WIZ: variants seen among roughly 807,000 people sequenced by gnomAD.
The protein encoded by WIZ is protein Wiz.
WIZ carries 25 observed loss-of-function variants against 140.2 expected under a neutral mutation model. The observed-to-expected ratio is 0.18, with a 90% CI of 0.13 to 0.25. The LOEUF (loss-of-function observed/expected upper bound fraction) is 0.25, where lower values mean the gene tolerates loss of function less well. Ranked by LOEUF, WIZ falls within the 10% of genes least tolerant of loss-of-function variation. The pLI is 1.00. For synonymous variants in WIZ, 1,125 were observed against 1,154.3 expected, an observed-to-expected ratio of 0.97 and a Z score of 0.51; for missense variants, 2,231 against 2,632.6, an observed-to-expected ratio of 0.85 and a Z score of 3.34.
chr19:15,425,378 C>A lies in WIZ; in HGVS notation c.4757G>T (p.Gly1586Val). ...CTTGGCTGCCACTGAGCCCAGGTAG[C>A]CAGTGGCTGAGGGCTTGGCCCCAGT... ...PITGAKPSAT[G>V]YLGSVAAKRP... The change falls in exon 10 of 13, where the codon GGC becomes GTC. Residue 1586 changes from glycine to valine, a missense_variant. Physicochemically the swap from Gly to Val is moderately radical, Grantham distance 109 (BLOSUM62 -3). This residue lies in a region of WIZ where 393 missense variants were observed against 451.7 expected (regional missense o/e 0.87). Transcript: ENST00000673675. 6.4e-7 allele frequency: 1 copy of A among 1,557,274 alleles called. No homozygotes were observed. The highest frequency in any genetic ancestry group is 8.7e-7 in the Non-Finnish European group (1 of 1,150,486).
At chr19:15,425,833 G>C in intron 9 of WIZ, 65 bp from the exon 10 acceptor site, 1 of 63,740 alleles carries the variant, frequency 1.6e-5, no homozygotes, top group South Asian at 1.6e-4. Context: ...GGAGGGAGGA[G>C]GAGGGAGGAG....
Position 15,427,179 on chromosome 19 carries a change from G to C in WIZ, c.4169C>G (p.Pro1390Arg), listed in dbSNP as rs1428052252. The change falls in exon 9 of 13, where the codon CCA becomes CGA. Residue 1390 changes from proline to arginine, a missense_variant. Transcript: ENST00000673675. This position sits in a 1 kb window ranked among gnomAD's most constrained non-coding sequence, Gnocchi z 6.4. ...GGCCGTAGGAGGAGGAGAGGCAGTT[G>C]GTGAGTGGCCCAGGGGGCTGCCCGG... ...PPPGSPLGHS[P>R]TASPPPTARK... 1.2e-6 allele frequency: 2 copies of C among 1,614,216 alleles called. No individual in the cohort carries two copies. Among genetic ancestry groups the C allele is most frequent in the Non-Finnish European group, 1.7e-6 (2 of 1,180,030 alleles).
rs763907048 is a variant in WIZ at position 15,439,452 on chromosome 19, G to A, written c.1542C>T (p.His514=). 2.3e-5 allele frequency: 35 copies of A among 1,533,514 alleles called. No individual in the cohort carries two copies. Among genetic ancestry groups the A allele is most frequent in the Admixed American group, 2.2e-4 (11 of 50,696 alleles). 95.0% of individuals were successfully genotyped at this position (1,533,514 alleles called of 1,614,324 possible). A position where few individuals can be genotyped will look rare whatever the true frequency, so the allele number is the denominator to read the frequency against. ...CCACAGCAGTGTCAGGGAAGCAGGC[G>A]TGAGCATCCTGGCTAGTGCCTGGCT... ...ASQPGTSQDA[H]ACFPDTAVDY... is the part of the protein sequence containing the mutation. Residue 514 remains histidine, a synonymous_variant, in exon 4 of 13, where the codon CAC becomes CAT. Transcript: ENST00000673675. This position sits in a 1 kb window ranked among gnomAD's most constrained non-coding sequence, Gnocchi z 7.0.
rs1467288385 is a variant in WIZ, at chr19:15,431,093, C to G, written c.2830G>C (p.Glu944Gln). ...CTGCTCAGCCGACTGGCCACCTGCTCCAGGGCCCCAGGGACAGGCAGGCTC... is the reference window on the plus strand; with the variant it reads ...CTGCTCAGCCGACTGGCCACCTGCTGCAGGGCCCCAGGGACAGGCAGGCTC... ...KKSLPVPGAL[E>Q]QVASRLSSKV... is the part of the protein sequence containing the mutation. Residue 944 changes from glutamate (E) to glutamine (Q), a missense_variant, in exon 6 of 13, where the codon GAG becomes CAG. Physicochemically the swap from Glu to Gln is conservative, Grantham distance 29. Around this residue, in one of 15 missense-constraint regions of WIZ, gnomAD observed 137 missense variants for 135.8 expected, o/e 1.01. Coordinates refer to ENST00000673675, the MANE Select transcript of WIZ (RefSeq NM_001371589.1). The G allele has an allele frequency of 6.5e-7, 1 of 1,535,964 alleles. No individual in the cohort carries two copies. The highest frequency in any genetic ancestry group is 8.7e-7 in the Non-Finnish European group (1 of 1,146,828).
At chr19:15,445,923 C>G (rs767799323) in intron 2 of WIZ, among the ~76,000 whole-genome samples, 15 of 152,164 alleles carry the variant, frequency 9.9e-5, no homozygotes, top group Non-Finnish European at 1.8e-4. Context: ...GAATAGCAGC[C>G]CCAGAGCCTG....
At chr19:15,448,038 ACT>A in intron 2 of WIZ, 63 bp downstream of exon 2, 1 of 1,576,412 alleles carries the variant, frequency 6.3e-7, no homozygotes, top group Admixed American at 1.9e-5. Flanking sequence ...GGGTGACTTG[ACT>A]CTCTCTGAGC....
Position 15,421,698 on chromosome 19 carries a change from G to C in WIZ, c.*1378C>G, listed in dbSNP as rs1452764915. 1 of 152,178 alleles carries C rather than the reference G, an allele frequency of 6.6e-6. No individual in the cohort carries two copies. Among genetic ancestry groups the C allele is most frequent in the East Asian group, 1.9e-4 (1 of 5,190 alleles). The allele number at this position is 152,178 out of a possible 1,614,324, so 9.4% of individuals were successfully genotyped here. A position where few individuals can be genotyped will look rare whatever the true frequency, so the allele number is the denominator to read the frequency against. ...ATGTATTAAAAGCAGGTGAGTTCCA[G>C]CTCTCTACAACCCCACTGGCCCCCA... is the stretch of plus-strand genomic sequence containing the variant. On this transcript the variant is annotated 3_prime_UTR_variant, in exon 13 of 13. Coordinates refer to ENST00000673675, the MANE Select transcript of WIZ (RefSeq NM_001371589.1).
rs954461013 is a variant in WIZ at position 15,442,532 on chromosome 19, C to T, written c.278+144G>A. The T allele has an allele frequency of 1.4e-5, 8 of 558,098 alleles. No individual in the cohort carries two copies. Among genetic ancestry groups the T allele is most frequent in the African/African-American group, 1.4e-4 (7 of 51,454 alleles). 34.6% of individuals were successfully genotyped at this position (558,098 alleles called of 1,614,324 possible). A position where few individuals can be genotyped will look rare whatever the true frequency, so the allele number is the denominator to read the frequency against. ...ACCCCAGCACACGCCCAGGGGCTTGCCTGCCGGGAGCTGACTCCTCCTCCT... is the reference window on the plus strand; with the variant it reads ...ACCCCAGCACACGCCCAGGGGCTTGTCTGCCGGGAGCTGACTCCTCCTCCT... On this transcript the variant is annotated intron_variant, in intron 3 of 12. Coordinates refer to ENST00000673675, the MANE Select transcript of WIZ (RefSeq NM_001371589.1). This position sits in a 1 kb window ranked among gnomAD's most constrained non-coding sequence, Gnocchi z 5.5.
chr19:15,433,874 T>G (rs1969409952), intron 5 of WIZ, among the ~76,000 whole-genome samples: 1 of 152,146 alleles, frequency 6.6e-6, no homozygotes, highest in Admixed American at 6.5e-5. Flanking sequence ...TGCAGGCTCA[T>G]GAATGCCCTT....
At chr19:15,432,592 C>T (rs1478957676) in intron 5 of WIZ, 5 of 358,892 alleles carry the variant, frequency 1.4e-5, no homozygotes, top group South Asian at 1.1e-4. Context: ...GCTCGGGGGG[C>T]TGGGCGGGGG....
chr19:15,436,642 C>G, intron 5 of WIZ, 164 bp downstream of exon 5: 1 of 675,886 alleles, frequency 1.5e-6, no homozygotes. Flanking sequence ...AGAAAGGACA[C>G]CTAAATAGCA....
chr19:15,434,027 G>A (rs1420755824), intron 5 of WIZ, among the ~76,000 whole-genome samples: 3 of 152,174 alleles, frequency 2.0e-5, no homozygotes, highest in African/African-American at 7.2e-5. Context: ...GGCCAAGAGG[G>A]GTGGATCACT....
intron 5 of WIZ, chr19:15,432,513 CGGT>C: frequency 1.4e-5 from 6 of 434,776 alleles, no homozygotes; most frequent in Non-Finnish European, 1.7e-5. Context: ...GTGGCGGTGG[CGGT>C]GGTGGTGGCG....
Position 15,422,885 on chromosome 19 carries a change from G to A in WIZ, c.*191C>T, listed in dbSNP as rs564372699. ...GACACCCTGTGGCCCCAGAGTCCTCGGGCTGGGGGAAGGGCAGCTAGCTGG... is the reference window on the plus strand; with the variant it reads ...GACACCCTGTGGCCCCAGAGTCCTCAGGCTGGGGGAAGGGCAGCTAGCTGG... On this transcript the variant is annotated 3_prime_UTR_variant, in exon 13 of 13. Transcript: ENST00000673675. The A allele has an allele frequency of 1.0e-5, 8 of 790,336 alleles. No homozygotes were observed. Among genetic ancestry groups the A allele is most frequent in the African/African-American group, 5.2e-5 (3 of 57,188 alleles). 49.0% of individuals were successfully genotyped at this position (790,336 alleles called of 1,614,324 possible). A position where few individuals can be genotyped will look rare whatever the true frequency, so the allele number is the denominator to read the frequency against.
In WIZ at chr19:15,442,147, A is replaced by C. The variant is rs1341581807; in HGVS notation, c.278+529T>G. Among the ~76,000 whole-genome samples the C allele has an allele frequency of 6.6e-6, 1 of 151,450 alleles. No homozygotes were observed. The highest frequency in any genetic ancestry group is 2.4e-5 in the African/African-American group (1 of 41,088). ...GGTTGCAGTGAGCCAAGATCACGCC[A>C]CTGCACTCCAGCCTGGGCGATAGAG... On this transcript the variant is annotated intron_variant, in intron 3 of 12. Coordinates refer to ENST00000673675, the MANE Select transcript of WIZ (RefSeq NM_001371589.1). The surrounding 1 kb of genome is among the most constrained non-coding windows in gnomAD (Gnocchi z 5.5).
At position 15,427,216 on chromosome 19, in the gene WIZ, A is replaced by T. The variant is rs1189530492; in HGVS notation, c.4132T>A (p.Leu1378Met). The T allele has an allele frequency of 9.9e-6, 16 of 1,613,928 alleles. No homozygotes were observed. Among genetic ancestry groups the T allele is most frequent in the Non-Finnish European group, 1.4e-5 (16 of 1,180,010 alleles). The change falls in exon 9 of 13, where the codon TTG becomes ATG. Residue 1378 changes from leucine to methionine, a missense_variant. Coordinates refer to ENST00000673675, the MANE Select transcript of WIZ (RefSeq NM_001371589.1). The surrounding 1 kb of genome is among the most constrained non-coding windows in gnomAD (Gnocchi z 6.4). ...AGGGGGCTGCCCGGTGGTGGTGGCA[A>T]CTTCTTGGCCAAGGGTGAGATGTGA... The part of the protein sequence containing the change: ...DLHISPLAKK[L>M]PPPPGSPLGH...
chr19:15,421,652 ATG>A lies in WIZ; in HGVS notation c.*1422_*1423del, dbSNP rs1466417659. 2.0e-5 allele frequency: 3 copies of A among 152,194 alleles called. No individual in the cohort carries two copies. Among genetic ancestry groups the A allele is most frequent in the African/African-American group, 7.2e-5 (3 of 41,440 alleles). 9.4% of individuals were successfully genotyped at this position (152,194 alleles called of 1,614,324 possible). ...CGCATGTTCCTTGGGTCAGGGGTGCATGTGTCTCACTAGAAGTCACATGTATT... is the reference window on the plus strand; with the variant it reads ...CGCATGTTCCTTGGGTCAGGGGTGCATGTCTCACTAGAAGTCACATGTATT... On this transcript the variant is annotated 3_prime_UTR_variant, in exon 13 of 13. Coordinates refer to ENST00000673675, the MANE Select transcript of WIZ (RefSeq NM_001371589.1).
rs1400877925 is a variant in WIZ at position 15,440,683 on chromosome 19, G to A, written c.311C>T (p.Pro104Leu). ...CAGGAGATGGGGTGGTGGGGAGCCC[G>A]GCCGGAAGTCCAGGCTGCCTCCATC... ...CWDGGSLDFR[P>L]GSPPPHLLGH... The change falls in exon 4 of 13, where the codon CCG becomes CTG. Residue 104 changes from proline to leucine, a missense_variant. Physicochemically the swap from Pro to Leu is moderately conservative, Grantham distance 98. Around this residue, in one of 15 missense-constraint regions of WIZ, gnomAD observed 307 missense variants for 294.1 expected, o/e 1.04. Transcript: ENST00000673675. The surrounding 1 kb of genome is among the most constrained non-coding windows in gnomAD (Gnocchi z 6.2). The A allele has an allele frequency of 7.9e-6, 12 of 1,510,986 alleles. No individual in the cohort carries two copies. Among genetic ancestry groups the A allele is most frequent in the African/African-American group, 2.8e-5 (2 of 72,314 alleles). The allele number at this position is 1,510,986 out of a possible 1,614,324, so 93.6% of individuals were successfully genotyped here.
intron 5 of WIZ, 65 bp downstream of exon 5, chr19:15,436,740 GC>G: frequency 7.0e-7 from 1 of 1,426,446 alleles, no homozygotes; most frequent in South Asian, 1.5e-5. Context: ...CTCCAGCCCC[GC>G]CCCTCCAATG....
Sources: allele counts gnomAD v4.1 joint callset (sites outside exome capture counted in the v4.1 genomes callset), GRCh38; gene constraint gnomAD v4.1.1; regional missense constraint gnomAD v4.1.1; non-coding constraint Gnocchi (gnomAD v3.1); transcripts MANE v1.5; gene names NCBI Gene and HGNC (gene_info 2026-07-23, HGNC 2026-07-21).